The following HDLBP variants were observed in gnomAD, a reference collection of about 807,000 sequenced individuals.
HDLBP encodes the protein vigilin.
Under a neutral mutation model 137.3 loss-of-function variants are expected in HDLBP, and 30 were observed. The observed-to-expected ratio is 0.22, with a 90% CI of 0.16 to 0.30. HDLBP has a LOEUF of 0.30. Among genes scored for constraint, HDLBP ranks in the 10% least tolerant of loss-of-function variants. HDLBP has a pLI of 1.00. For synonymous variants in HDLBP, 606 were observed against 596.0 expected, an observed-to-expected ratio of 1.02 and a Z score of -0.24; for missense variants, 1,119 against 1,667.3, an observed-to-expected ratio of 0.67 and a Z score of 5.73.
chr2:241,287,054 C>G (rs1046596039), intron 1 of HDLBP, among the ~76,000 whole-genome samples: 2 of 152,066 alleles, frequency 1.3e-5, no homozygotes, highest in Non-Finnish European at 2.9e-5. Flanking sequence ...TGCCTCAAAA[C>G]AGGTCAGTTA....
intron 1 of HDLBP, among the ~76,000 whole-genome samples, chr2:241,305,528 C>T (rs1007362338): frequency 1.3e-5 from 2 of 152,218 alleles, no homozygotes; most frequent in African/African-American, 4.8e-5. Context: ...CTCAGCGCTG[C>T]TGACATTTTG....
In HDLBP at chr2:241,240,209, C is replaced by T; in HGVS notation, c.2170-87G>A. 1 of 1,297,086 alleles carries T rather than the reference C, an allele frequency of 7.7e-7. No homozygotes were observed. The highest frequency in any genetic ancestry group is 1.1e-6 in the Non-Finnish European group (1 of 892,822). The allele number at this position is 1,297,086 out of a possible 1,614,324, so 80.3% of individuals were successfully genotyped here. A position where few individuals can be genotyped will look rare whatever the true frequency, so the allele number is the denominator to read the frequency against. On this transcript the variant is annotated intron_variant, in intron 17 of 27. Transcript: ENST00000310931. The surrounding 1 kb of genome is among the most constrained non-coding windows in gnomAD (Gnocchi z 5.5). ...ACAAGAGGGTCTGTAGGACAGCAAG[C>T]TCGGGCTCCCCTTACATTGTCACCA...
chr2:241,236,779 A>C lies in HDLBP; in HGVS notation c.2750-10T>G. The C allele has an allele frequency of 6.2e-7, 1 of 1,613,174 alleles. No homozygotes were observed. Among genetic ancestry groups the C allele is most frequent in the Non-Finnish European group, 8.5e-7 (1 of 1,179,398 alleles). The stretch of plus-strand genomic sequence containing the variant: ...GGCTCTGTACTGTGAACTAGAGAGA[A>C]AGGGGAAAAGGGACAGCTGACAGCT... On this transcript the variant is annotated splice_polypyrimidine_tract_variant and intron_variant, in intron 20 of 27. Transcript: ENST00000310931.
chr2:241,236,628 T>G lies in HDLBP; in HGVS notation c.2891A>C (p.Lys964Thr). The change falls in exon 21 of 28, where the codon AAG (lysine) becomes ACG (threonine). Residue 964 changes from lysine to threonine, a missense_variant. Around this residue, in one of 4 missense-constraint regions of HDLBP, gnomAD observed 618 missense variants for 816.7 expected, o/e 0.76. Coordinates refer to ENST00000310931, the MANE Select transcript of HDLBP (RefSeq NM_005336.6). Reference protein sequence around the residue: ...SGRKEKCEAAKEALEALVPVT... With the variant: ...SGRKEKCEAATEALEALVPVT... ...ATGGACACATACCTCCAGAGCTTCC[T>G]TGGCAGCCTCACACTTTTCTTTCCG... is the stretch of plus-strand genomic sequence containing the variant. 6.2e-7 allele frequency: 1 copy of G among 1,614,090 alleles called. No homozygotes were observed.
At position 241,271,020 on chromosome 2, in the gene HDLBP, C is replaced by G. The variant is rs548515546; in HGVS notation, c.-102-2479G>C. 1.0e-4 allele frequency: 101 copies of G among 985,350 alleles called. No homozygotes were observed. In the African/African-American group the frequency reaches 1.6e-3, roughly 16 times the overall value. The allele number at this position is 985,350 out of a possible 1,614,324, so 61.0% of individuals were successfully genotyped here. Reference sequence around the variant, plus strand: ...GGCCTTCTCAGGGCCCGGGTCCACCCCTGCATGGCTGTAAACGCTCCACCT... The same window carrying G: ...GGCCTTCTCAGGGCCCGGGTCCACCGCTGCATGGCTGTAAACGCTCCACCT... On this transcript the variant is annotated intron_variant, in intron 1 of 27. Coordinates refer to ENST00000310931, the MANE Select transcript of HDLBP (RefSeq NM_005336.6).
intron 1 of HDLBP, among the ~76,000 whole-genome samples, chr2:241,271,374 G>A (rs892254145): frequency 6.6e-6 from 1 of 152,146 alleles, no homozygotes; most frequent in African/African-American, 2.4e-5. Context: ...AGAACTAAAG[G>A]AAGGAGGGCA....
chr2:241,247,564 G>A (rs1214961367), intron 14 of HDLBP: 2 of 278,504 alleles, frequency 7.2e-6, no homozygotes, highest in Non-Finnish European at 1.4e-5. Context: ...GGAAATACAT[G>A]GCTGCCTGTG....
chr2:241,236,827 G>A (rs997253493), intron 20 of HDLBP, 58 bp from the exon 21 acceptor site: 5 of 1,568,692 alleles, frequency 3.2e-6, no homozygotes, highest in African/African-American at 1.4e-5. Context: ...CCCACACCTT[G>A]TTCAGAATGC....
At chr2:241,264,410 C>T (rs1176767987) in intron 4 of HDLBP, 38 bp downstream of exon 4, 1 of 1,410,668 alleles carries the variant, frequency 7.1e-7, no homozygotes. Context: ...AGACATGTTA[C>T]ATGATAAAAT....
chr2:241,247,245 T>C, intron 14 of HDLBP, 103 bp from the exon 15 acceptor site: 4 of 735,748 alleles, frequency 5.4e-6, no homozygotes, highest in Non-Finnish European at 9.7e-6. Flanking sequence ...AGAGCACTGG[T>C]ATTTGCAAAC....
At chr2:241,308,802 A>T (rs553850755) in intron 1 of HDLBP, among the ~76,000 whole-genome samples, 1 of 152,266 alleles carries the variant, frequency 6.6e-6, no homozygotes, top group South Asian at 2.1e-4. Context: ...GAAAAGTAAG[A>T]AATGTCGTGA....
At chr2:241,255,339 C>T in intron 8 of HDLBP, 35 bp downstream of exon 8, 1 of 1,589,044 alleles carries the variant, frequency 6.3e-7, no homozygotes, top group Admixed American at 1.7e-5. Context: ...GGACTCCACT[C>T]AAAGGAGACA....
intron 1 of HDLBP, among the ~76,000 whole-genome samples, chr2:241,293,006 A>T (rs2075057054): frequency 6.6e-6 from 1 of 151,554 alleles, no homozygotes; most frequent in Non-Finnish European, 1.5e-5. Context: ...CGGCCTGGGC[A>T]ACAAAGCGAG....
intron 1 of HDLBP, among the ~76,000 whole-genome samples, chr2:241,277,537 T>G (rs2074433731): frequency 6.6e-6 from 1 of 152,216 alleles, no homozygotes; most frequent in Admixed American, 6.5e-5. Flanking sequence ...AGAATTCTAT[T>G]GAGAAGAGTA....
intron 1 of HDLBP, among the ~76,000 whole-genome samples, chr2:241,300,129 C>G (rs1392717701): frequency 6.6e-6 from 1 of 152,038 alleles, no homozygotes; most frequent in Non-Finnish European, 1.5e-5. Flanking sequence ...CAGAAAGCAT[C>G]AAGAAAGCCA....
At chr2:241,306,824 G>T (rs555883096) in intron 1 of HDLBP, among the ~76,000 whole-genome samples, 33 of 151,434 alleles carry the variant, frequency 2.2e-4, no homozygotes, top group Admixed American at 1.4e-3. Flanking sequence ...GGAAGTTGCA[G>T]TGAGCGGAGA....
chr2:241,292,015 A>G (rs2075027432), intron 1 of HDLBP, among the ~76,000 whole-genome samples: 1 of 152,224 alleles, frequency 6.6e-6, no homozygotes, highest in Admixed American at 6.5e-5. Flanking sequence ...TAATACACCA[A>G]CTAAATAACG....
intron 1 of HDLBP, among the ~76,000 whole-genome samples, chr2:241,273,842 G>T (rs2074287224): frequency 6.7e-6 from 1 of 148,816 alleles, no homozygotes; most frequent in Non-Finnish European, 1.5e-5. Context: ...CAGAAGGCAG[G>T]ATCAGACGTG....
rs1461844731 is a variant in HDLBP at position 241,272,935 on chromosome 2, G to C, written c.-102-4394C>G. The C allele has an allele frequency of 1.2e-6, 1 of 847,618 alleles. No individual in the cohort carries two copies. The highest frequency in any genetic ancestry group is 6.2e-5 in the Admixed American group (1 of 16,052). The allele number at this position is 847,618 out of a possible 1,614,324, so 52.5% of individuals were successfully genotyped here. A position where few individuals can be genotyped will look rare whatever the true frequency, so the allele number is the denominator to read the frequency against. On this transcript the variant is annotated intron_variant, in intron 1 of 27. Coordinates refer to ENST00000310931, the MANE Select transcript of HDLBP (RefSeq NM_005336.6). The surrounding 1 kb of genome is among the most constrained non-coding windows in gnomAD (Gnocchi z 5.6). The stretch of plus-strand genomic sequence containing the variant: ...CCGCCGCTGGGGTCCCCGCCGCCCC[G>C]GGCCGCCCAGCACCCGGGAGGCCCA...
Sources: gnomAD v4.1 joint callset for allele counts (sites outside exome capture counted in the v4.1 genomes callset) on GRCh38, gnomAD v4.1.1 for gene constraint, gnomAD v4.1.1 regional missense constraint, Gnocchi (gnomAD v3.1) non-coding constraint, MANE v1.5 for transcripts, NCBI Gene and HGNC (gene_info 2026-07-23, HGNC 2026-07-21) for gene names.